FSTL5: variants seen among roughly 807,000 people sequenced by gnomAD.
FSTL5 encodes the protein follistatin-related protein 5.
Under a neutral mutation model 89.1 loss-of-function variants are expected in FSTL5, and 62 were observed. The observed-to-expected ratio is 0.70, with a 90% CI of 0.57 to 0.86. The LOEUF (loss-of-function observed/expected upper bound fraction) is 0.86, where lower values mean the gene tolerates loss of function less well. Ranked by LOEUF, FSTL5 falls within the 40% of genes least tolerant of loss-of-function variation. The pLI is 0.00. For synonymous variants in FSTL5, 383 were observed against 346.2 expected (o/e 1.11, Z -1.18); for missense variants, 1,057 against 1,001.6 (o/e 1.06, Z -0.75).
chr4:161,790,294 T>C (rs1453320875), intron 4 of FSTL5, among the ~76,000 whole-genome samples: 1 of 152,028 alleles, frequency 6.6e-6, no homozygotes, highest in African/African-American at 2.4e-5. Context: ...TTAAGAAAGG[T>C]GTCCACCTGA....
intron 3 of FSTL5, among the ~76,000 whole-genome samples, chr4:161,977,836 G>A (rs975404951): frequency 2.0e-5 from 3 of 151,756 alleles, no homozygotes; most frequent in Admixed American, 2.0e-4. Flanking sequence ...CTGACCAAAA[G>A]GTTCCATTGG....
At chr4:161,568,092 C>T (rs144100665) in intron 8 of FSTL5, among the ~76,000 whole-genome samples, 14 of 151,390 alleles carry the variant, frequency 9.2e-5, no homozygotes, top group African/African-American at 2.4e-4. Flanking sequence ...GGTTGCCCAG[C>T]GACGCCCATG....
chr4:162,128,255 T>TTTATATATCTTTTCTTG (rs1246737942), intron 1 of FSTL5, among the ~76,000 whole-genome samples: 6 of 152,232 alleles, frequency 3.9e-5, no homozygotes, highest in Non-Finnish European at 7.4e-5. Flanking sequence ...TAAAGTTTTC[T>TTTATATATCTTTTCTTG]AAAACCCAGA....
chr4:161,919,872 T>A (rs1733945045), intron 4 of FSTL5, among the ~76,000 whole-genome samples: 1 of 152,128 alleles, frequency 6.6e-6, no homozygotes, highest in Non-Finnish European at 1.5e-5. Context: ...ACCAGTACTT[T>A]AAAAAAAATT....
chr4:161,939,435 G>C (rs1427826984), intron 3 of FSTL5, among the ~76,000 whole-genome samples: 1 of 151,618 alleles, frequency 6.6e-6, no homozygotes. Context: ...TTTTATTTAA[G>C]TCCCAAATAA....
Position 161,776,913 on chromosome 4 carries a change from T to C in FSTL5, c.410-839A>G, listed in dbSNP as rs1217350421. ...TTTTTAATTATTTTGAAATATACAATAAATTATCGTTAACTACAGTTCCCC... is the reference window on the plus strand; with the variant it reads ...TTTTTAATTATTTTGAAATATACAACAAATTATCGTTAACTACAGTTCCCC... On this transcript the variant is annotated intron_variant, in intron 4 of 15. Coordinates refer to ENST00000306100, the MANE Select transcript of FSTL5 (RefSeq NM_020116.5). 2.0e-5 allele frequency among the ~76,000 whole-genome samples: 3 copies of C among 151,946 alleles called. No homozygotes were observed. In the East Asian group the frequency reaches 5.8e-4, roughly 29 times the overall value.
intron 1 of FSTL5, among the ~76,000 whole-genome samples, chr4:162,153,706 A>T (rs1488786085): frequency 1.4e-5 from 2 of 143,374 alleles, no homozygotes; most frequent in East Asian, 3.9e-4. Flanking sequence ...TATGTATATT[A>T]TATATGTATA....
intron 6 of FSTL5, among the ~76,000 whole-genome samples, chr4:161,695,955 T>A (rs1738148898): frequency 6.6e-6 from 1 of 152,210 alleles, no homozygotes; most frequent in South Asian, 2.1e-4. Context: ...CAAAAACTCT[T>A]TGGTTTAATT....
At chr4:161,948,485 C>CTTTTTTTTTTTTT (rs35577056) in intron 3 of FSTL5, among the ~76,000 whole-genome samples, 3 of 114,112 alleles carry the variant, frequency 2.6e-5, no homozygotes, top group Admixed American at 1.1e-4. Flanking sequence ...TCTTTTCTTT[C>CTTTTTTTTTTTTT]TTTTTTTTTT....
chr4:161,714,478 A>T (rs80153351), intron 6 of FSTL5, among the ~76,000 whole-genome samples: 3,241 of 152,236 alleles, frequency 0.021, 67 homozygotes, highest in East Asian at 0.036. Flanking sequence ...AAATAATTTT[A>T]AAAATGGGTT....
intron 3 of FSTL5, among the ~76,000 whole-genome samples, chr4:162,007,397 G>T (rs1466734491): frequency 6.6e-6 from 1 of 151,532 alleles, no homozygotes; most frequent in Non-Finnish European, 1.5e-5. Flanking sequence ...AAGCATAACA[G>T]CAAAATATTT....
At chr4:161,891,174 C>T (rs1732977647) in intron 4 of FSTL5, among the ~76,000 whole-genome samples, 1 of 151,708 alleles carries the variant, frequency 6.6e-6, no homozygotes, top group Non-Finnish European at 1.5e-5. Context: ...CTTATGTTTT[C>T]CTATTTTGAT....
intron 15 of FSTL5, among the ~76,000 whole-genome samples, chr4:161,449,259 C>T (rs1733064958): frequency 6.6e-6 from 1 of 152,114 alleles, no homozygotes; most frequent in Non-Finnish European, 1.5e-5. Context: ...TAAGACACTA[C>T]ATAATCAACC....
chr4:161,522,591 C>A (rs1731076684), intron 10 of FSTL5, among the ~76,000 whole-genome samples: 1 of 150,858 alleles, frequency 6.6e-6, no homozygotes, highest in South Asian at 2.1e-4. Context: ...TCTAACATTT[C>A]CTGAAAACTT....
rs1363114547 is a variant in FSTL5 at position 161,775,968 on chromosome 4, G to A, written c.516C>T (p.Asp172=). The change falls in exon 5 of 16, where the codon GAC becomes GAT. Residue 172 remains aspartate (D), a synonymous_variant. Coordinates refer to ENST00000306100, the MANE Select transcript of FSTL5 (RefSeq NM_020116.5). ...MQENENPNGD[D]ISRKKLLVDQ... ...CCACCAATAGCTTCTTCCGAGATAT[G>A]TCGTCGCCATTAGGATTTTCATTTT... 6.2e-7 allele frequency: 1 copy of A among 1,606,396 alleles called. No individual in the cohort carries two copies. Among genetic ancestry groups the A allele is most frequent in the Non-Finnish European group, 8.5e-7 (1 of 1,175,248 alleles).
intron 7 of FSTL5, among the ~76,000 whole-genome samples, chr4:161,623,573 C>T (rs1475086324): frequency 6.6e-6 from 1 of 150,874 alleles, no homozygotes; most frequent in Non-Finnish European, 1.5e-5. Context: ...GGGGTCAGTC[C>T]CTATGTAATT....
chr4:161,806,867 A>G (rs1729983693), intron 4 of FSTL5, among the ~76,000 whole-genome samples: 2 of 152,138 alleles, frequency 1.3e-5, no homozygotes, highest in South Asian at 2.1e-4. Flanking sequence ...GTTCTCATAC[A>G]TACATACACA....
chr4:161,681,406 T>C (rs1047924819), intron 6 of FSTL5, among the ~76,000 whole-genome samples: 1 of 152,110 alleles, frequency 6.6e-6, no homozygotes, highest in African/African-American at 2.4e-5. Context: ...GATGGATGTT[T>C]GTAAGTCTCA....
intron 10 of FSTL5, among the ~76,000 whole-genome samples, chr4:161,520,575 C>T (rs977699790): frequency 1.2e-4 from 18 of 151,984 alleles, no homozygotes; most frequent in Non-Finnish European, 1.8e-4. Flanking sequence ...TTTAAAGACA[C>T]GTAGGAGTAA....
Sources: gnomAD v4.1 joint callset for allele counts (sites outside exome capture counted in the v4.1 genomes callset) on GRCh38, gnomAD v4.1.1 for gene constraint, MANE v1.5 for transcripts, NCBI Gene and HGNC (gene_info 2026-07-23, HGNC 2026-07-21) for gene names.